Variants in CEP350 observed in about 807,000 individuals in gnomAD.
CEP350 encodes centrosomal protein 350, also known as centrosome-associated protein 350.
CEP350 carries 126 observed loss-of-function variants against 331.8 expected under a neutral mutation model. The ratio of observed to expected loss-of-function variants is 0.38; its 90% CI spans 0.33 to 0.44. The LOEUF is 0.44. Ranked by LOEUF, CEP350 falls within the 20% of genes least tolerant of loss-of-function variation. CEP350 has a pLI of 1.00. For missense variants in CEP350, 3,406 were observed against 3,634.6 expected (o/e 0.94, Z 1.62); for synonymous variants, 1,200 against 1,259.5 (o/e 0.95, Z 1.00).
intron 21 of CEP350, among the ~76,000 whole-genome samples, chr1:180,046,873 G>A (rs960826147): frequency 6.6e-6 from 1 of 152,128 alleles, no homozygotes; most frequent in African/African-American, 2.4e-5. Context: ...CTACTAATTG[G>A]TAGAATTGGG....
chr1:180,092,798 T>C lies in CEP350; in HGVS notation c.6693T>C (p.Leu2231=). The change falls in exon 34 of 38, where the codon CTT becomes CTC. Residue 2231 remains leucine, a synonymous_variant. Coordinates refer to ENST00000367607, the MANE Select transcript of CEP350 (RefSeq NM_014810.5). ...TAGAAAATGTACCTGCATTACATCT[T>C]CTCAAAGAATTAAATGCCACTAGTA... The part of the protein sequence containing the change: ...DSLENVPALH[L]LKELNATSRI... The C allele has an allele frequency of 6.4e-7, 1 of 1,573,922 alleles. No homozygotes were observed. Among genetic ancestry groups the C allele is most frequent in the South Asian group, 1.2e-5 (1 of 86,206 alleles).
intron 14 of CEP350, among the ~76,000 whole-genome samples, chr1:180,030,315 G>GTA (rs961734986): frequency 7.0e-6 from 1 of 143,430 alleles, no homozygotes; most frequent in African/African-American, 2.5e-5. Flanking sequence ...GTGTATATAT[G>GTA]TATATATATA....
chr1:180,043,770 ATTTG>A (rs1376227610), intron 20 of CEP350, among the ~76,000 whole-genome samples: 3 of 76,872 alleles, frequency 3.9e-5, no homozygotes, highest in African/African-American at 8.2e-5. Context: ...ACATTACCAT[ATTTG>A]TGTGTGTGTG....
At chr1:180,090,289 G>T (rs1660094012) in intron 32 of CEP350, among the ~76,000 whole-genome samples, 2 of 152,066 alleles carry the variant, frequency 1.3e-5, no homozygotes, top group Non-Finnish European at 2.9e-5. Context: ...GCTCACGCCT[G>T]TAATCCCAGC....
chr1:180,045,203 G>A (rs776953122), intron 21 of CEP350, among the ~76,000 whole-genome samples: 34 of 152,198 alleles, frequency 2.2e-4, no homozygotes, highest in Non-Finnish European at 4.1e-4. Flanking sequence ...TTAGCCATGC[G>A]TGGTGGCGTG....
chr1:179,975,837 G>T (rs1651822192), intron 1 of CEP350, among the ~76,000 whole-genome samples: 1 of 152,142 alleles, frequency 6.6e-6, no homozygotes, highest in Admixed American at 6.5e-5. Context: ...GGAGGAAATA[G>T]AACATTTAGG....
chr1:180,044,025 T>C, intron 20 of CEP350, 26 bp from the exon 21 acceptor site: 1 of 1,505,884 alleles, frequency 6.6e-7, no homozygotes, highest in South Asian at 1.3e-5. Flanking sequence ...CTTTGAATGT[T>C]TAATCAGTTT....
At chr1:180,104,224 G>GT (rs1313123051) in intron 37 of CEP350, among the ~76,000 whole-genome samples, 1 of 150,658 alleles carries the variant, frequency 6.6e-6, no homozygotes, top group African/African-American at 2.4e-5. Flanking sequence ...GTTTTTTGTT[G>GT]TTTTTTGATA....
At position 180,014,383 on chromosome 1, in the gene CEP350, A is replaced by G. The variant is rs1360613624; in HGVS notation, c.1930A>G (p.Lys644Glu). Reference sequence around the variant, plus strand: ...GCAGAAGGAAGCCTTTACTAAAGTAAAAAATGTCCCTCCTTCTGAGCCATC... The same window carrying G: ...GCAGAAGGAAGCCTTTACTAAAGTAGAAAATGTCCCTCCTTCTGAGCCATC... ...RKQKEAFTKV[K>E]NVPPSEPSAT... Residue 644 changes from lysine (K) to glutamate (E), a missense_variant, in exon 10 of 38, where the codon AAA (lysine) becomes GAA (glutamate). By Grantham distance (56) the Lys-to-Glu change is moderately conservative. Around this residue, in one of 5 missense-constraint regions of CEP350, gnomAD observed 1,857 missense variants for 1,909.2 expected, o/e 0.97. Transcript: ENST00000367607. 5.6e-6 allele frequency: 9 copies of G among 1,598,062 alleles called. No individual in the cohort carries two copies.
chr1:180,022,838 C>G lies in CEP350; in HGVS notation c.3376C>G (p.Leu1126Val). The G allele has an allele frequency of 6.3e-7, 1 of 1,582,142 alleles. No homozygotes were observed. Among genetic ancestry groups the G allele is most frequent in the Non-Finnish European group, 8.6e-7 (1 of 1,162,472 alleles). ...GACTTCGACAGAAAAAAAATCAACT[C>G]TTGAACCTCAGTAAGATATATTGGC... ...TGTSTEKKST[L>V]EPHSTLSPQE... The change falls in exon 13 of 38, where the codon CTT becomes GTT. Residue 1126 changes from leucine to valine, a missense_variant. Transcript: ENST00000367607.
At chr1:180,014,565 A>C in intron 10 of CEP350, 60 bp downstream of exon 10, 1 of 1,450,580 alleles carries the variant, frequency 6.9e-7, no homozygotes. Context: ...CTTATTTGCT[A>C]TACTATTTAA....
Position 180,041,126 on chromosome 1 carries a change from A to G in CEP350, c.4111-12A>G. The G allele has an allele frequency of 1.3e-6, 2 of 1,569,534 alleles. No homozygotes were observed. The highest frequency in any genetic ancestry group is 1.7e-6 in the Non-Finnish European group (2 of 1,155,034). The stretch of plus-strand genomic sequence containing the variant: ...CGTATCTGAGAATTAACATTTGACC[A>G]TTATTTTGAAGGCACAACAGCAACG... On this transcript the variant is annotated splice_polypyrimidine_tract_variant and intron_variant, in intron 17 of 37. Coordinates refer to ENST00000367607, the MANE Select transcript of CEP350 (RefSeq NM_014810.5).
At position 180,093,234 on chromosome 1, in the gene CEP350, G is replaced by A. The variant is rs144556889; in HGVS notation, c.7129G>A (p.Glu2377Lys). 3.2e-4 allele frequency: 520 copies of A among 1,601,654 alleles called. 2 individuals are homozygous for A. In the African/African-American group the frequency reaches 5.2e-3, roughly 16 times the overall value. Residue 2377 changes from glutamate to lysine, a missense_variant, in exon 34 of 38, where the codon GAA becomes AAA. By Grantham distance (56) the Glu-to-Lys change is moderately conservative. Around this residue, in one of 5 missense-constraint regions of CEP350, gnomAD observed 1,415 missense variants for 1,512.3 expected, o/e 0.94. Coordinates refer to ENST00000367607, the MANE Select transcript of CEP350 (RefSeq NM_014810.5). ...TGCTCCTAAAGAGATACCATACTCT[G>A]AAGATTTTGAAGTGTCTTCTTTCAA... ...LFAPKEIPYS[E>K]DFEVSSFKKE... is the part of the protein sequence containing the mutation.
At position 180,022,672 on chromosome 1, in the gene CEP350, C is replaced by G. The variant is rs369412009; in HGVS notation, c.3236-26C>G. The G allele has an allele frequency of 4.4e-6, 7 of 1,596,904 alleles. No individual in the cohort carries two copies. The African/African-American group carries it at 8.1e-5, about 18-fold the overall frequency. On this transcript the variant is annotated intron_variant, in intron 12 of 37. Transcript: ENST00000367607. ...CAGTTTCTTGATTTTCGTTTTTAAC[C>G]ATGTTTCAATTATTACTTTTGTCAG...
In CEP350 at chr1:180,024,435, C is replaced by G; in HGVS notation, c.3403C>G (p.Gln1135Glu). ...CTTTGACAGTAGCACTTTAAGCCCT[C>G]AGGAGGACCATTCTAACAGAAAGTC... ...TLEPHSTLSP[Q>E]EDHSNRKSAY... The change falls in exon 14 of 38, where the codon CAG (glutamine) becomes GAG (glutamate). Residue 1135 changes from glutamine (Q) to glutamate (E), a missense_variant. By Grantham distance (29) the Gln-to-Glu change is conservative (BLOSUM62 2). Transcript: ENST00000367607. 6.2e-7 allele frequency: 1 copy of G among 1,612,060 alleles called. No homozygotes were observed. Among genetic ancestry groups the G allele is most frequent in the Middle Eastern group, 1.8e-4 (1 of 5,670 alleles).
rs1343029579 is a variant in CEP350, at chr1:180,093,653, A to G, written c.7548A>G (p.Lys2516=). The G allele has an allele frequency of 6.2e-7, 1 of 1,614,010 alleles. No individual in the cohort carries two copies. The highest frequency in any genetic ancestry group is 1.7e-5 in the Admixed American group (1 of 60,020). The change falls in exon 34 of 38, where the codon AAA becomes AAG. Residue 2516 remains lysine (K), a synonymous_variant. Coordinates refer to ENST00000367607, the MANE Select transcript of CEP350 (RefSeq NM_014810.5). The stretch of plus-strand genomic sequence containing the variant: ...TTCAGCCAGGAATTCTTCGATTCAA[A>G]GGTGAGACTAGTTTTGCTAAAGGAT... ...GNVQPGILRF[K]GETSFAKGFW...
chr1:180,054,339 G>T, intron 24 of CEP350, 76 bp from the exon 25 acceptor site: 2 of 1,227,432 alleles, frequency 1.6e-6, no homozygotes, highest in Non-Finnish European at 2.3e-6. Flanking sequence ...CTTTTTAGTA[G>T]TCAAGAATTC....
chr1:180,008,876 T>C (rs1280831631), intron 8 of CEP350, among the ~76,000 whole-genome samples: 1 of 152,186 alleles, frequency 6.6e-6, no homozygotes, highest in Non-Finnish European at 1.5e-5. Flanking sequence ...CATACACTAA[T>C]CAGTAGAATG....
At chr1:179,982,038 CAG>C (rs1339217664) in intron 1 of CEP350, among the ~76,000 whole-genome samples, 1 of 152,060 alleles carries the variant, frequency 6.6e-6, no homozygotes, top group Admixed American at 6.6e-5. Flanking sequence ...AAACCTAAAA[CAG>C]GGCATAATTC....
Sources: gnomAD v4.1 joint callset for allele counts (sites outside exome capture counted in the v4.1 genomes callset) on GRCh38, gnomAD v4.1.1 for gene constraint, gnomAD v4.1.1 regional missense constraint, MANE v1.5 for transcripts, NCBI Gene and HGNC (gene_info 2026-07-23, HGNC 2026-07-21) for gene names.